CDYL: variants seen among roughly 807,000 people sequenced by gnomAD.
The protein encoded by CDYL is chromodomain Y-like protein.
CDYL carries 8 observed loss-of-function variants against 47.3 expected under a neutral mutation model. The observed-to-expected ratio is 0.17, with a 90% CI of 0.10 to 0.31. CDYL has a LOEUF of 0.31. Among genes scored for constraint, CDYL ranks in the 10% least tolerant of loss-of-function variants. The pLI, the probability that CDYL is intolerant of heterozygous loss-of-function variation, is 1.00. For missense variants in CDYL, 471 were observed against 701.4 expected (o/e 0.67, Z 3.71); for synonymous variants, 266 against 265.0 (o/e 1.00, Z -0.04).
intron 3 of CDYL, among the ~76,000 whole-genome samples, chr6:4,742,990 A>T (rs776774589): frequency 1.4e-4 from 21 of 152,314 alleles, no homozygotes; most frequent in South Asian, 4.1e-4. Flanking sequence ...CTTTGCTTCC[A>T]GTCAATTCCA....
Position 4,895,407 on chromosome 6 carries a change from G to A in CDYL, c.691+3028G>A, listed in dbSNP as rs1192966203. Among the ~76,000 whole-genome samples the A allele has an allele frequency of 1.5e-3, 3 of 1,988 alleles. 1 individual carries two copies. The highest frequency in any genetic ancestry group is 1.5e-3 in the African/African-American group (3 of 1,942). The allele number at this position is 1,988 out of a possible 152,430, so 1.3% of individuals were successfully genotyped here. On this transcript the variant is annotated intron_variant, in intron 2 of 6. Coordinates refer to ENST00000397588, the MANE Select transcript of CDYL (RefSeq NM_004824.4). ...TATGTGCATATATGCATGTATACATGTATACGTATATATGCATGTATACAT... is the reference window on the plus strand; with the variant it reads ...TATGTGCATATATGCATGTATACATATATACGTATATATGCATGTATACAT...
chr6:4,817,844 A>T (rs1216674276), intron 1 of CDYL, among the ~76,000 whole-genome samples: 1 of 152,214 alleles, frequency 6.6e-6, no homozygotes, highest in Non-Finnish European at 1.5e-5. Context: ...AAACTGAAAT[A>T]ACATCTTTTT....
intron 1 of CDYL, among the ~76,000 whole-genome samples, chr6:4,816,711 A>G (rs1449533921): frequency 2.7e-5 from 4 of 148,876 alleles, no homozygotes; most frequent in Non-Finnish European, 1.5e-5. Flanking sequence ...CTTGTCTTGA[A>G]CTCCTGAGCT....
intron 1 of CDYL, among the ~76,000 whole-genome samples, chr6:4,888,697 A>C (rs893696783): frequency 6.6e-6 from 1 of 151,948 alleles, no homozygotes; most frequent in African/African-American, 2.4e-5. Context: ...TCCTAAGATA[A>C]AGGGTTAGGT....
intron 2 of CDYL, among the ~76,000 whole-genome samples, chr6:4,918,780 T>G (rs920132337): frequency 3.3e-5 from 5 of 152,204 alleles, no homozygotes; most frequent in African/African-American, 1.2e-4. Context: ...CTGCTTTATC[T>G]CTGTGTATGT....
intron 2 of CDYL, among the ~76,000 whole-genome samples, chr6:4,913,093 G>A (rs1192287591): frequency 6.6e-6 from 1 of 152,184 alleles, no homozygotes; most frequent in East Asian, 1.9e-4. Context: ...GCTTGCAGAT[G>A]TAGACCAGCA....
intron 3 of CDYL, among the ~76,000 whole-genome samples, chr6:4,747,776 T>G (rs1177046051): frequency 6.6e-6 from 1 of 152,214 alleles, no homozygotes; most frequent in Non-Finnish European, 1.5e-5. Flanking sequence ...GAAACAACTG[T>G]GAAGTTAAAT....
Position 4,776,805 on chromosome 6 carries a change from G to C in CDYL, c.22G>C (p.Glu8Gln). The stretch of plus-strand genomic sequence containing the variant: ...CACCATGGCTTCCGAGGAGCTGTAC[G>C]AGGTACCTCCCCTCCCCCCGGCCTC... MASEELY[E>Q]VERIVDKRKN... The change falls in exon 1 of 7, where the codon GAG becomes CAG. Residue 8 changes from glutamate (E) to glutamine (Q), a missense_variant and splice_region_variant. Coordinates refer to ENST00000397588, the MANE Select transcript of CDYL (RefSeq NM_004824.4). 1 of 1,107,356 alleles carries C rather than the reference G, an allele frequency of 9.0e-7. No individual in the cohort carries two copies. The highest frequency in any genetic ancestry group is 1.1e-6 in the Non-Finnish European group (1 of 895,356). 68.6% of individuals were successfully genotyped at this position (1,107,356 alleles called of 1,614,324 possible).
At chr6:4,922,085 T>A (rs1319331590) in intron 2 of CDYL, among the ~76,000 whole-genome samples, 1 of 152,146 alleles carries the variant, frequency 6.6e-6, no homozygotes, top group African/African-American at 2.4e-5. Context: ...TGGTATGAGC[T>A]TAGCACCCCT....
At chr6:4,926,666 A>G (rs1240868832) in intron 2 of CDYL, among the ~76,000 whole-genome samples, 1 of 152,236 alleles carries the variant, frequency 6.6e-6, no homozygotes, top group Non-Finnish European at 1.5e-5. Flanking sequence ...TATTGTAAAA[A>G]TTCACAAAAT....
At chr6:4,820,066 C>T (rs776724921) in intron 1 of CDYL, among the ~76,000 whole-genome samples, 1 of 152,092 alleles carries the variant, frequency 6.6e-6, no homozygotes, top group Non-Finnish European at 1.5e-5. Context: ...CAGGCTGATT[C>T]CTAATCCATC....
chr6:4,802,834 G>T (rs1246032865), intron 1 of CDYL, among the ~76,000 whole-genome samples: 1 of 150,904 alleles, frequency 6.6e-6, no homozygotes, highest in African/African-American at 2.4e-5. Context: ...GTGCAGGGAG[G>T]GTGGGCGGGA....
At chr6:4,756,956 A>G (rs970852199) in intron 3 of CDYL, among the ~76,000 whole-genome samples, 1 of 152,228 alleles carries the variant, frequency 6.6e-6, no homozygotes, top group Non-Finnish European at 1.5e-5. Flanking sequence ...CCATCCATGT[A>G]TACTGAAAAG....
chr6:4,776,160 GC>G (rs1245778723), upstream of CDYL, among the ~76,000 whole-genome samples: 8 of 61,106 alleles, frequency 1.3e-4, no homozygotes, highest in African/African-American at 1.8e-4. Flanking sequence ...CCACCACCCC[GC>G]CCCCCGCGCT....
In CDYL at chr6:4,892,122, C is replaced by T. The variant is rs1762063780; in HGVS notation, c.434C>T (p.Pro145Leu). The T allele has an allele frequency of 6.2e-7, 1 of 1,614,218 alleles. No homozygotes were observed. The highest frequency in any genetic ancestry group is 8.5e-7 in the Non-Finnish European group (1 of 1,180,038). ...AAGTCAGGTATCAAGATCCTCGTGC[C>T]TAAAAGCCCCGTTAAGAGCAGGACC... ...LAKSGIKILV[P>L]KSPVKSRTAV... The change falls in exon 2 of 7, where the codon CCT becomes CTT. Residue 145 changes from proline (P) to leucine (L), a missense_variant. By Grantham distance (98) the Pro-to-Leu change is moderately conservative. Around this residue, in one of 3 missense-constraint regions of CDYL, gnomAD observed 311 missense variants for 350.0 expected, o/e 0.89. Transcript: ENST00000397588.
intron 1 of CDYL, among the ~76,000 whole-genome samples, chr6:4,820,369 G>A (rs1759800321): frequency 6.6e-6 from 1 of 152,172 alleles, no homozygotes; most frequent in African/African-American, 2.4e-5. Context: ...ATAAAGCTAG[G>A]CGTTTCTCCC....
At chr6:4,897,791 T>TTTTTTG (rs775816790) in intron 2 of CDYL, among the ~76,000 whole-genome samples, 2 of 34,348 alleles carry the variant, frequency 5.8e-5, no homozygotes, top group African/African-American at 1.4e-4. Flanking sequence ...AAGGTTTTTG[T>TTTTTTG]TTTTTTTTTT....
intron 1 of CDYL, among the ~76,000 whole-genome samples, chr6:4,809,958 G>A (rs1561648364): frequency 6.6e-6 from 1 of 151,302 alleles, no homozygotes; most frequent in African/African-American, 2.4e-5. Flanking sequence ...TATTTTGTAT[G>A]GTAGGGGTAT....
chr6:4,927,451 G>A (rs1287824173), intron 2 of CDYL, among the ~76,000 whole-genome samples: 1 of 151,222 alleles, frequency 6.6e-6, no homozygotes, highest in African/African-American at 2.4e-5. Context: ...GTGTGTGTGT[G>A]TGTGTGTGTC....
Sources: allele counts gnomAD v4.1 joint callset (sites outside exome capture counted in the v4.1 genomes callset), GRCh38; gene constraint gnomAD v4.1.1; regional missense constraint gnomAD v4.1.1; transcripts MANE v1.5; gene names NCBI Gene and HGNC (gene_info 2026-07-23, HGNC 2026-07-21).